Variants in TCP11 observed in about 807,000 individuals in gnomAD.
TCP11 encodes the protein t-complex 11.
TCP11 carries 34 observed loss-of-function variants against 45.0 expected under a neutral mutation model. The ratio of observed to expected loss-of-function variants is 0.76; its 90% CI spans 0.57 to 1.01. TCP11 has a LOEUF of 1.01. TCP11 is among the 50% of genes least tolerant of loss of function. The pLI, the probability that TCP11 is intolerant of heterozygous loss-of-function variation, is 0.00. For synonymous variants in TCP11, 227 were observed against 227.0 expected, an observed-to-expected ratio of 1.00 and a Z score of 0.00; for missense variants, 523 against 598.1, an observed-to-expected ratio of 0.87 and a Z score of 1.31.
intron 3 of TCP11, among the ~76,000 whole-genome samples, chr6:35,131,499 C>T (rs549996452): frequency 1.6e-4 from 24 of 152,012 alleles, no homozygotes; most frequent in African/African-American, 5.3e-4. Flanking sequence ...AACTGAGAGG[C>T]GGAGGTTGCA....
chr6:35,124,124 A>G (rs1206254684), intron 4 of TCP11, among the ~76,000 whole-genome samples: 1 of 152,120 alleles, frequency 6.6e-6, no homozygotes, highest in Non-Finnish European at 1.5e-5. Context: ...AACATGCACC[A>G]CATTTGTGTT....
chr6:35,139,093 C>T (rs1003149223), intron 2 of TCP11, among the ~76,000 whole-genome samples: 17 of 151,880 alleles, frequency 1.1e-4, no homozygotes, highest in Middle Eastern at 3.2e-3. Context: ...GAGGCTAAGG[C>T]AGGAGAATCG....
rs2234045 is a variant in TCP11 at position 35,120,604 on chromosome 6, C to G, written c.758G>C (p.Gly253Ala). 0.15 allele frequency: 245,914 copies of G among 1,613,568 alleles called. 21,017 individuals carry two copies. The highest frequency in any genetic ancestry group is 0.29 in the African/African-American group (21,996 of 74,940). ...AGTCGGAGGTGACATGGTGAGGTCT[C>G]CTGCTGCTTGGGTCAGCCATTTGGT... is the stretch of plus-strand genomic sequence containing the variant. ...HTTKWLTQAA[G>A]DLTMSPPTCP... The change falls in exon 7 of 10, where the codon GGA (glycine) becomes GCA (alanine). Residue 253 changes from glycine (G) to alanine (A), a missense_variant. Around this residue, in one of 2 missense-constraint regions of TCP11, gnomAD observed 298 missense variants for 387.9 expected, o/e 0.77. Transcript: ENST00000311875. The surrounding 1 kb of genome is among the most constrained non-coding windows in gnomAD (Gnocchi z 4.9).
chr6:35,122,302 G>T lies in TCP11; in HGVS notation c.393C>A (p.Arg131=). 1 of 1,614,076 alleles carries T rather than the reference G, an allele frequency of 6.2e-7. No individual in the cohort carries two copies. The highest frequency in any genetic ancestry group is 8.5e-7 in the Non-Finnish European group (1 of 1,180,016). ...LLSLLLPRQN[R]LRIEIEEALD... is the part of the protein sequence containing the mutation. ...GAGCTTCTTCAATCTCAATTCTCAG[G>T]CGGTTCTGGCGTGGTAATAGCAGTG... Residue 131 remains arginine (R), a synonymous_variant, in exon 5 of 10, where the codon CGC becomes CGA. Coordinates refer to ENST00000311875, the MANE Select transcript of TCP11 (RefSeq NM_001370687.1).
chr6:35,132,317 C>T (rs1201523021), intron 3 of TCP11, among the ~76,000 whole-genome samples: 2 of 152,208 alleles, frequency 1.3e-5, no homozygotes, highest in Non-Finnish European at 2.9e-5. Context: ...TCTTCATAGG[C>T]CTAACCTTCC....
chr6:35,139,017 G>A (rs948758510), intron 2 of TCP11, among the ~76,000 whole-genome samples: 15 of 151,958 alleles, frequency 9.9e-5, no homozygotes, highest in African/African-American at 1.9e-4. Flanking sequence ...GTGAAACCCC[G>A]TCTCTCCTAA....
intron 2 of TCP11, chr6:35,140,047 C>T (rs1435227372): frequency 6.2e-7 from 1 of 1,613,972 alleles, no homozygotes; most frequent in South Asian, 1.1e-5. Flanking sequence ...TGGAAATGAC[C>T]CCAATATGCC....
chr6:35,134,081 G>C (rs1380947955), intron 3 of TCP11, among the ~76,000 whole-genome samples: 7 of 152,018 alleles, frequency 4.6e-5, no homozygotes, highest in Non-Finnish European at 7.4e-5. Flanking sequence ...CCACTTAAAA[G>C]GGTAGCTGAT....
At chr6:35,133,039 C>T (rs1041658929) in intron 3 of TCP11, among the ~76,000 whole-genome samples, 1 of 152,194 alleles carries the variant, frequency 6.6e-6, no homozygotes. Context: ...ACAGATACCC[C>T]ACAATGGCCC....
chr6:35,135,110 G>A (rs1460750257), intron 3 of TCP11, among the ~76,000 whole-genome samples: 1 of 149,190 alleles, frequency 6.7e-6, no homozygotes, highest in Non-Finnish European at 1.5e-5. Context: ...TCGCGCCATT[G>A]CACTCCAGCC....
chr6:35,131,164 A>G (rs2395611), intron 3 of TCP11, among the ~76,000 whole-genome samples: 102,313 of 152,040 alleles, frequency 0.67, 34,608 homozygotes, highest in Middle Eastern at 0.84. Flanking sequence ...TCCCAGCTAC[A>G]CAGGAGGCTG....
Position 35,120,371 on chromosome 6 carries a change from G to A in TCP11, c.934-31C>T. Reference sequence around the variant, plus strand: ...AACCAGGGAAGAACAGGCTGTCAGGGGAAGTCCCGATGGAAGCCCTGAACA... The same window carrying A: ...AACCAGGGAAGAACAGGCTGTCAGGAGAAGTCCCGATGGAAGCCCTGAACA... On this transcript the variant is annotated intron_variant, in intron 7 of 9. Transcript: ENST00000311875. This position sits in a 1 kb window ranked among gnomAD's most constrained non-coding sequence, Gnocchi z 4.9. The A allele has an allele frequency of 6.2e-7, 1 of 1,603,234 alleles. No individual in the cohort carries two copies. The highest frequency in any genetic ancestry group is 8.5e-7 in the Non-Finnish European group (1 of 1,173,088).
chr6:35,119,281 A>G lies in TCP11; in HGVS notation c.1226T>C (p.Met409Thr), dbSNP rs1351800786. 6.2e-7 allele frequency: 1 copy of G among 1,614,180 alleles called. No homozygotes were observed. The highest frequency in any genetic ancestry group is 8.5e-7 in the Non-Finnish European group (1 of 1,180,030). Residue 409 changes from methionine to threonine, a missense_variant, in exon 9 of 10, where the codon ATG becomes ACG. By Grantham distance (81) the Met-to-Thr change is moderately conservative. Transcript: ENST00000311875. ...ALSSDNTASL[M>T]GQLQNIAKKE... Reference sequence around the variant, plus strand: ...CTTGGCAATGTTCTGGAGCTGTCCCATTAGAGATGCTGTATTATCACTGCT... The same window carrying G: ...CTTGGCAATGTTCTGGAGCTGTCCCGTTAGAGATGCTGTATTATCACTGCT...
At chr6:35,133,799 A>C (rs1780732060) in intron 3 of TCP11, among the ~76,000 whole-genome samples, 1 of 152,140 alleles carries the variant, frequency 6.6e-6, no homozygotes, top group African/African-American at 2.4e-5. Context: ...TCAGAAAAAA[A>C]AAAAAATCTG....
rs1394543395 is a variant in TCP11 at position 35,120,515 on chromosome 6, G to C, written c.847C>G (p.Pro283Ala). 2 of 1,613,972 alleles carry C rather than the reference G, an allele frequency of 1.2e-6. No individual in the cohort carries two copies. The highest frequency in any genetic ancestry group is 1.1e-5 in the South Asian group (1 of 91,062). Residue 283 changes from proline to alanine, a missense_variant, in exon 7 of 10, where the codon CCA becomes GCA. Pro to Ala is a conservative substitution (Grantham distance 27). Transcript: ENST00000311875. The surrounding 1 kb of genome is among the most constrained non-coding windows in gnomAD (Gnocchi z 4.9). ...GPSPNEAANN[P>A]EPLSPTMVLC... ...ACCATTGTGGGGCTGAGGGGCTCTG[G>C]GTTGTTGGCTGCCTCATTGGGAGAG...
chr6:35,137,870 G>T (rs993685307), intron 2 of TCP11: 9 of 452,490 alleles, frequency 2.0e-5, no homozygotes, highest in African/African-American at 1.8e-4. Flanking sequence ...ATGGATAAAT[G>T]GGGGCTCATT....
chr6:35,134,242 C>T (rs1251040716), intron 3 of TCP11, among the ~76,000 whole-genome samples: 2 of 149,260 alleles, frequency 1.3e-5, no homozygotes, highest in South Asian at 2.1e-4. Flanking sequence ...GGCATAGTAT[C>T]GCATATAACC....
chr6:35,139,898 AT>A (rs1383537715), intron 2 of TCP11: 13 of 1,100,376 alleles, frequency 1.2e-5, no homozygotes, highest in South Asian at 3.1e-5. Context: ...AAAATTTCAA[AT>A]TTTTTTAAAA....
chr6:35,118,545 T>C (rs554186386), intron 9 of TCP11, 44 bp from the exon 10 acceptor site: 1 of 1,568,390 alleles, frequency 6.4e-7, no homozygotes, highest in Admixed American at 1.8e-5. Flanking sequence ...GGCAAACAGA[T>C]TTCAGGGAGA....
Sources: gnomAD v4.1 joint callset for allele counts (sites outside exome capture counted in the v4.1 genomes callset) on GRCh38, gnomAD v4.1.1 for gene constraint, gnomAD v4.1.1 regional missense constraint, Gnocchi (gnomAD v3.1) non-coding constraint, MANE v1.5 for transcripts, NCBI Gene and HGNC (gene_info 2026-07-23, HGNC 2026-07-21) for gene names.